The following FOXP1 variants were observed in gnomAD, a reference collection of about 807,000 sequenced individuals.
The protein encoded by FOXP1 is forkhead box protein P1.
FOXP1 carries 15 observed loss-of-function variants against 98.2 expected under a neutral mutation model. That is an observed-to-expected ratio of 0.15 (90% confidence interval 0.10 to 0.24). FOXP1 has a LOEUF of 0.24. FOXP1 is among the 10% of genes least tolerant of loss of function. FOXP1 has a pLI of 1.00. For synonymous variants in FOXP1, 371 were observed against 314.5 expected, an observed-to-expected ratio of 1.18 and a Z score of -1.90; for missense variants, 633 against 848.5, an observed-to-expected ratio of 0.75 and a Z score of 3.15.
Position 71,397,605 on chromosome 3 carries a change from G to A in FOXP1, c.-167-38361C>T, listed in dbSNP as rs572419374. On this transcript the variant is annotated intron_variant, in intron 3 of 20. Transcript: ENST00000649528. ...TTACAAATAGACATATAATTACAATGTATGGTCAAGTCTACAAGAGCTATC... is the reference window on the plus strand; with the variant it reads ...TTACAAATAGACATATAATTACAATATATGGTCAAGTCTACAAGAGCTATC... 2.0e-5 allele frequency among the ~76,000 whole-genome samples: 3 copies of A among 152,318 alleles called. No homozygotes were observed. The South Asian group carries it at 6.2e-4, about 32-fold the overall frequency.
At chr3:71,152,124 C>A (rs1373706026) in intron 6 of FOXP1, among the ~76,000 whole-genome samples, 1 of 152,134 alleles carries the variant, frequency 6.6e-6, no homozygotes, top group Non-Finnish European at 1.5e-5. Flanking sequence ...GGAGGCTGTT[C>A]CTGAAGACAG....
At chr3:71,109,178 GT>G (rs1559945756) in intron 7 of FOXP1, among the ~76,000 whole-genome samples, 1 of 152,192 alleles carries the variant, frequency 6.6e-6, no homozygotes, top group Non-Finnish European at 1.5e-5. Context: ...ATTTGGTTCA[GT>G]ATGTGGATCT....
intron 3 of FOXP1, among the ~76,000 whole-genome samples, chr3:71,389,778 T>C (rs1412890870): frequency 6.6e-6 from 1 of 152,144 alleles, no homozygotes; most frequent in Non-Finnish European, 1.5e-5. Flanking sequence ...TGTGGATTTT[T>C]AATTTTTATA....
intron 3 of FOXP1, among the ~76,000 whole-genome samples, chr3:71,384,088 G>A (rs1332153188): frequency 1.3e-5 from 2 of 152,138 alleles, no homozygotes; most frequent in Non-Finnish European, 2.9e-5. Context: ...GCATGGTGGT[G>A]TAAGCCTGTA....
intron 3 of FOXP1, among the ~76,000 whole-genome samples, chr3:71,406,391 T>A (rs1464278023): frequency 2.8e-5 from 2 of 70,998 alleles, no homozygotes; most frequent in Admixed American, 1.3e-4. Context: ...AATTGACACA[T>A]AATAACTGTA....
At chr3:71,179,525 A>T (rs1336764800) in intron 6 of FOXP1, among the ~76,000 whole-genome samples, 1 of 152,234 alleles carries the variant, frequency 6.6e-6, no homozygotes, top group Admixed American at 6.5e-5. Context: ...ACTTGAAACC[A>T]AGAACATGAA....
chr3:71,342,200 C>A (rs1004141920), intron 4 of FOXP1, among the ~76,000 whole-genome samples: 2 of 152,190 alleles, frequency 1.3e-5, no homozygotes, highest in African/African-American at 4.8e-5. Flanking sequence ...TTTTACAAAT[C>A]ATTTCATAAA....
At chr3:71,250,296 G>C (rs1343120328) in intron 5 of FOXP1, among the ~76,000 whole-genome samples, 1 of 152,174 alleles carries the variant, frequency 6.6e-6, no homozygotes, top group Admixed American at 6.5e-5. Flanking sequence ...GAGCATCACT[G>C]CCCAACAGAA....
At chr3:71,486,605 T>C (rs1257485224) in intron 3 of FOXP1, among the ~76,000 whole-genome samples, 5 of 152,222 alleles carry the variant, frequency 3.3e-5, no homozygotes. Flanking sequence ...AATAATAATA[T>C]GCAACATATT....
At chr3:71,471,844 C>T (rs1208859886) in intron 3 of FOXP1, among the ~76,000 whole-genome samples, 1 of 152,118 alleles carries the variant, frequency 6.6e-6, no homozygotes, top group Non-Finnish European at 1.5e-5. Flanking sequence ...ACTCCATGTT[C>T]TGATGATTCA....
At chr3:71,075,962 T>C (rs2053763312) in intron 7 of FOXP1, among the ~76,000 whole-genome samples, 1 of 152,056 alleles carries the variant, frequency 6.6e-6, no homozygotes, top group Non-Finnish European at 1.5e-5. Context: ...TCAAGTGATC[T>C]TCCTGCCTTA....
At chr3:71,242,233 C>T (rs1269603590) in intron 5 of FOXP1, among the ~76,000 whole-genome samples, 2 of 152,190 alleles carry the variant, frequency 1.3e-5, no homozygotes, top group African/African-American at 2.4e-5. Flanking sequence ...GTGTTCAAAT[C>T]GTGCTGAGTC....
chr3:71,104,426 T>G (rs1454212577), intron 7 of FOXP1, among the ~76,000 whole-genome samples: 1 of 152,170 alleles, frequency 6.6e-6, no homozygotes, highest in East Asian at 1.9e-4. Flanking sequence ...TGCTTTTATT[T>G]TTTTCGTTAA....
chr3:71,064,134 A>G (rs1006649910), intron 7 of FOXP1, among the ~76,000 whole-genome samples: 1 of 152,000 alleles, frequency 6.6e-6, no homozygotes, highest in Non-Finnish European at 1.5e-5. Context: ...AGAATCCCCA[A>G]CCTGCCAGAG....
chr3:71,548,438 T>C (rs999905009), intron 2 of FOXP1, among the ~76,000 whole-genome samples: 2 of 152,196 alleles, frequency 1.3e-5, no homozygotes, highest in African/African-American at 4.8e-5. Context: ...CAGGGTCTTG[T>C]ACCGTCACCC....
chr3:71,205,199 C>A (rs1315764056), intron 5 of FOXP1, among the ~76,000 whole-genome samples: 1 of 152,128 alleles, frequency 6.6e-6, no homozygotes, highest in Non-Finnish European at 1.5e-5. Flanking sequence ...AAAATTAACA[C>A]CCAATTAATT....
chr3:71,424,463 T>C (rs753468583), intron 3 of FOXP1, among the ~76,000 whole-genome samples: 13 of 152,112 alleles, frequency 8.5e-5, no homozygotes, highest in Non-Finnish European at 1.2e-4. Flanking sequence ...GTAAAGAGGA[T>C]TCCATGTCTG....
intron 3 of FOXP1, among the ~76,000 whole-genome samples, chr3:71,376,901 A>T (rs1179552004): frequency 6.6e-6 from 1 of 152,224 alleles, no homozygotes; most frequent in Non-Finnish European, 1.5e-5. Flanking sequence ...ATAAAGAATT[A>T]TCACAATTAT....
chr3:71,090,772 A>G (rs527603606), intron 7 of FOXP1, among the ~76,000 whole-genome samples: 38 of 152,320 alleles, frequency 2.5e-4, no homozygotes, highest in Middle Eastern at 6.8e-3. Flanking sequence ...GAAGACCTAC[A>G]GAAGTGAACA....
Sources: gnomAD v4.1 joint callset for allele counts (sites outside exome capture counted in the v4.1 genomes callset) on GRCh38, gnomAD v4.1.1 for gene constraint, MANE v1.5 for transcripts, NCBI Gene and HGNC (gene_info 2026-07-23, HGNC 2026-07-21) for gene names.